The following SUMF1 variants were observed in gnomAD, a reference collection of about 807,000 sequenced individuals.
SUMF1 encodes the protein formylglycine-generating enzyme.
A neutral mutation model predicts 47.6 loss-of-function variants in SUMF1; 48 were observed. That is an observed-to-expected ratio of 1.01 (90% CI 0.80 to 1.28). The LOEUF is 1.28. Among genes scored for constraint, SUMF1 ranks in the 50% most tolerant of loss-of-function variants. The probability of loss-of-function intolerance (pLI) is 0.00; values close to 1 mark genes in which losing one functional copy is unlikely to be tolerated. For synonymous variants in SUMF1, 230 were observed against 192.1 expected, an observed-to-expected ratio of 1.20 and a Z score of -1.63; for missense variants, 571 against 485.4, an observed-to-expected ratio of 1.18 and a Z score of -1.66.
At chr3:4,254,908 C>T (rs1301990011) in intron 8 of SUMF1, among the ~76,000 whole-genome samples, 12 of 152,142 alleles carry the variant, frequency 7.9e-5, no homozygotes, top group Non-Finnish European at 1.5e-4. Context: ...AGACTTACAG[C>T]GGATCTCTTG....
At chr3:4,441,996 C>T (rs1041960645) in intron 3 of SUMF1, among the ~76,000 whole-genome samples, 6 of 152,122 alleles carry the variant, frequency 3.9e-5, no homozygotes, top group South Asian at 2.1e-4. Flanking sequence ...GAAGAAAAAC[C>T]GCCAACGGCC....
At chr3:4,428,462 T>C (rs1383963024) in intron 3 of SUMF1, among the ~76,000 whole-genome samples, 1 of 152,132 alleles carries the variant, frequency 6.6e-6, no homozygotes, top group Non-Finnish European at 1.5e-5. Context: ...CAAGCAATCC[T>C]CCCACCTCAG....
At chr3:4,159,836 G>T (rs905609659) in intron 8 of SUMF1, among the ~76,000 whole-genome samples, 1 of 152,092 alleles carries the variant, frequency 6.6e-6, no homozygotes, top group Non-Finnish European at 1.5e-5. Flanking sequence ...TACTATTCTA[G>T]GGTAAAAGTT....
intron 8 of SUMF1, among the ~76,000 whole-genome samples, chr3:4,266,444 A>T (rs868659962): frequency 6.6e-6 from 1 of 152,080 alleles, no homozygotes; most frequent in Non-Finnish European, 1.5e-5. Context: ...GAGGTCCTTC[A>T]CATCCCTTGT....
intron 8 of SUMF1, among the ~76,000 whole-genome samples, chr3:4,147,402 C>G (rs1359810489): frequency 6.6e-6 from 1 of 152,156 alleles, no homozygotes; most frequent in Admixed American, 6.5e-5. Context: ...ATAGCAAAGA[C>G]TCTTGGAATT....
chr3:4,112,891 G>A (rs1574894574), intron 8 of SUMF1, among the ~76,000 whole-genome samples: 1 of 152,096 alleles, frequency 6.6e-6, no homozygotes, highest in Non-Finnish European at 1.5e-5. Context: ...CTAGCCCACA[G>A]AATCTGAATT....
At chr3:4,280,933 A>C (rs779900542) in intron 8 of SUMF1, among the ~76,000 whole-genome samples, 2 of 151,486 alleles carry the variant, frequency 1.3e-5, no homozygotes, top group African/African-American at 2.4e-5. Context: ...GGCCCATCCT[A>C]ATAATTTCAT....
chr3:4,454,411 A>G (rs1040776069), intron 1 of SUMF1, among the ~76,000 whole-genome samples: 1 of 152,240 alleles, frequency 6.6e-6, no homozygotes, highest in African/African-American at 2.4e-5. Flanking sequence ...TAGCATGGCT[A>G]TAACAAAAAA....
chr3:4,441,103 G>A (rs1003359975), intron 3 of SUMF1, among the ~76,000 whole-genome samples: 2 of 152,094 alleles, frequency 1.3e-5, no homozygotes, highest in African/African-American at 2.4e-5. Context: ...AGTGGCAGGC[G>A]AGCAAGCAAA....
At chr3:4,426,204 T>G (rs74628094) in intron 3 of SUMF1, among the ~76,000 whole-genome samples, 2,303 of 152,282 alleles carry the variant, frequency 0.015, 43 homozygotes, top group East Asian at 0.098. Context: ...TGGGCCCCTG[T>G]AAGGGAACCA....
chr3:4,231,652 G>T (rs1307767719), intron 8 of SUMF1, among the ~76,000 whole-genome samples: 7 of 152,132 alleles, frequency 4.6e-5, no homozygotes. Flanking sequence ...GGGGCAGGCA[G>T]AACAGCCTTC....
intron 8 of SUMF1, among the ~76,000 whole-genome samples, chr3:4,081,035 A>G (rs1394052397): frequency 2.0e-5 from 3 of 152,178 alleles, no homozygotes; most frequent in African/African-American, 7.2e-5. Flanking sequence ...CTCAATACAC[A>G]TTAAGCGTTT....
At chr3:4,173,042 A>AG (rs376464395) in intron 8 of SUMF1, among the ~76,000 whole-genome samples, 74 of 152,252 alleles carry the variant, frequency 4.9e-4, no homozygotes, top group African/African-American at 1.7e-3. Flanking sequence ...AGGTGTAAGG[A>AG]AGGGGTCCAG....
chr3:4,177,510 T>C (rs1400800409), intron 8 of SUMF1, among the ~76,000 whole-genome samples: 5 of 152,176 alleles, frequency 3.3e-5, no homozygotes, highest in African/African-American at 1.2e-4. Flanking sequence ...AGACATAACG[T>C]ACCAGAATCT....
intron 9 of SUMF1, among the ~76,000 whole-genome samples, chr3:4,058,483 G>T (rs1461044134): frequency 1.3e-5 from 2 of 152,082 alleles, no homozygotes; most frequent in East Asian, 3.9e-4. Context: ...ACATAAGGAA[G>T]GTGCCTAGAT....
chr3:4,193,701 A>G (rs1695370560), intron 8 of SUMF1, among the ~76,000 whole-genome samples: 1 of 152,128 alleles, frequency 6.6e-6, no homozygotes, highest in Admixed American at 6.6e-5. Context: ...GCAGTTTCAT[A>G]GGGATTTCAG....
At chr3:4,212,101 A>C (rs1179708245) in intron 8 of SUMF1, among the ~76,000 whole-genome samples, 2 of 152,168 alleles carry the variant, frequency 1.3e-5, no homozygotes, top group African/African-American at 4.8e-5. Flanking sequence ...TTGTCTCTTC[A>C]AGTGGGTCCC....
chr3:4,067,293 A>G (rs1424072370), intron 9 of SUMF1, among the ~76,000 whole-genome samples: 2 of 152,176 alleles, frequency 1.3e-5, no homozygotes, highest in South Asian at 2.1e-4. Flanking sequence ...CATTCTGGCT[A>G]TAAGGGATGA....
At chr3:4,112,884 G>A (rs571392837) in intron 8 of SUMF1, among the ~76,000 whole-genome samples, 1 of 152,110 alleles carries the variant, frequency 6.6e-6, no homozygotes, top group South Asian at 2.1e-4. Flanking sequence ...GTGCTAGCTA[G>A]CCCACAGAAT....
Sources: gnomAD v4.1 joint callset for allele counts (sites outside exome capture counted in the v4.1 genomes callset) on GRCh38, gnomAD v4.1.1 for gene constraint, MANE v1.5 for transcripts, NCBI Gene and HGNC (gene_info 2026-07-23, HGNC 2026-07-21) for gene names.